Variants in CPA6 observed in about 807,000 individuals in gnomAD.
CPA6 encodes carboxypeptidase A6, also known as carboxypeptidase B.
A neutral mutation model predicts 63.3 loss-of-function variants in CPA6; 58 were observed. The observed-to-expected ratio is 0.92, with a 90% CI of 0.74 to 1.14. The LOEUF (loss-of-function observed/expected upper bound fraction) is 1.14. Among genes scored for constraint, CPA6 ranks in the 50% most tolerant of loss-of-function variants. CPA6 has a pLI of 0.00. For synonymous variants in CPA6, 185 were observed against 179.0 expected (o/e 1.03, Z -0.27); for missense variants, 565 against 526.6 (o/e 1.07, Z -0.71).
chr8:67,466,492 C>T (rs932864758), intron 8 of CPA6, among the ~76,000 whole-genome samples: 1 of 152,002 alleles, frequency 6.6e-6, no homozygotes, highest in Non-Finnish European at 1.5e-5. Flanking sequence ...TTTTTAATTT[C>T]GTCTGATAGC....
At chr8:67,464,690 G>C (rs1810886424) in intron 8 of CPA6, among the ~76,000 whole-genome samples, 1 of 152,084 alleles carries the variant, frequency 6.6e-6, no homozygotes, top group Admixed American at 6.6e-5. Flanking sequence ...TTTTGTATAT[G>C]GTGACAGGTA....
intron 8 of CPA6, among the ~76,000 whole-genome samples, chr8:67,439,894 G>T (rs1172510906): frequency 6.6e-6 from 1 of 152,164 alleles, no homozygotes; most frequent in East Asian, 1.9e-4. Flanking sequence ...CCAAAATATT[G>T]AGATTACGGG....
In CPA6 at chr8:67,442,475, C is replaced by T. The variant is rs148566227; in HGVS notation, c.839-8235G>A. On this transcript the variant is annotated intron_variant, in intron 8 of 10. Coordinates refer to ENST00000297770, the MANE Select transcript of CPA6 (RefSeq NM_020361.5). ...AAAATCTTCTTAGAGGAGATAATGT[C>T]CCCTGGAAGAGACAAATCTAGAGGG... 2.4e-4 allele frequency among the ~76,000 whole-genome samples: 37 copies of T among 152,124 alleles called. 1 individual carries two copies. The East Asian group carries it at 6.0e-3, about 25-fold the overall frequency.
intron 8 of CPA6, among the ~76,000 whole-genome samples, chr8:67,462,489 T>G (rs1023184692): frequency 1.1e-4 from 17 of 152,230 alleles, no homozygotes; most frequent in African/African-American, 4.1e-4. Flanking sequence ...GTACCTATAT[T>G]ATTTCCCACA....
chr8:67,727,522 A>G (rs1167630611), intron 1 of CPA6, among the ~76,000 whole-genome samples: 1 of 152,156 alleles, frequency 6.6e-6, no homozygotes, highest in Admixed American at 6.5e-5. Context: ...AAAGAAGTGC[A>G]ATTGTCTTGA....
chr8:67,693,572 G>T lies in CPA6; in HGVS notation c.116+52442C>A, dbSNP rs577834688. ...AATGGGGCTTTTGGGGAAGTGATTA[G>T]GTTGTAAAGGCAGAGGCCCCACGAA... On this transcript the variant is annotated intron_variant, in intron 1 of 10. Transcript: ENST00000297770. Among the ~76,000 whole-genome samples, 8 of 152,310 alleles carry T rather than the reference G, an allele frequency of 5.3e-5. No individual in the cohort carries two copies. The East Asian group carries it at 1.5e-3, about 29-fold the overall frequency.
chr8:67,733,329 T>C (rs1292169061), intron 1 of CPA6, among the ~76,000 whole-genome samples: 1 of 151,898 alleles, frequency 6.6e-6, no homozygotes, highest in Admixed American at 6.6e-5. Flanking sequence ...TGATAATTTT[T>C]AGCTTCTCTC....
At chr8:67,512,748 C>T (rs1812067194) in intron 3 of CPA6, among the ~76,000 whole-genome samples, 1 of 152,058 alleles carries the variant, frequency 6.6e-6, no homozygotes, top group South Asian at 2.1e-4. Context: ...ATTTTATTTT[C>T]CAAAAGAACC....
chr8:67,711,546 T>C (rs530940993), intron 1 of CPA6, among the ~76,000 whole-genome samples: 4 of 152,276 alleles, frequency 2.6e-5, no homozygotes, highest in Non-Finnish European at 4.4e-5. Flanking sequence ...CATGAGCTCA[T>C]TGACAGCCTG....
At chr8:67,557,881 G>T (rs903483708) in intron 2 of CPA6, among the ~76,000 whole-genome samples, 1 of 152,100 alleles carries the variant, frequency 6.6e-6, no homozygotes, top group Non-Finnish European at 1.5e-5. Context: ...CTGATTTTGT[G>T]TCATGGCTGA....
At chr8:67,441,192 A>G (rs961211131) in intron 8 of CPA6, among the ~76,000 whole-genome samples, 3 of 152,192 alleles carry the variant, frequency 2.0e-5, no homozygotes, top group Admixed American at 6.5e-5. Context: ...AAAAAATTCA[A>G]TAGTGTAATT....
intron 1 of CPA6, among the ~76,000 whole-genome samples, chr8:67,739,972 T>C (rs77302437): frequency 0.045 from 6,915 of 152,200 alleles, 200 homozygotes; most frequent in Non-Finnish European, 0.055. Flanking sequence ...AGAGTACAAA[T>C]GGGATACTTT....
chr8:67,566,585 G>A lies in CPA6; in HGVS notation c.193-48538C>T, dbSNP rs528300317. Among the ~76,000 whole-genome samples the A allele has an allele frequency of 3.9e-5, 6 of 152,260 alleles. No individual in the cohort carries two copies. In the East Asian group the frequency reaches 9.7e-4, roughly 24 times the overall value. ...TATCTAGTCCCTAGATACTTCTGCTGTCTCCTGACTTCCATTCCCTATTAG... is the reference window on the plus strand; with the variant it reads ...TATCTAGTCCCTAGATACTTCTGCTATCTCCTGACTTCCATTCCCTATTAG... On this transcript the variant is annotated intron_variant, in intron 2 of 10. Coordinates refer to ENST00000297770, the MANE Select transcript of CPA6 (RefSeq NM_020361.5).
intron 2 of CPA6, among the ~76,000 whole-genome samples, chr8:67,589,706 A>G (rs886970688): frequency 6.6e-6 from 1 of 152,154 alleles, no homozygotes; most frequent in Admixed American, 6.5e-5. Flanking sequence ...GTATTATTAT[A>G]AAGTGAAAAA....
In CPA6 at chr8:67,502,021, G is replaced by A. The variant is rs146811286; in HGVS notation, c.636+4766C>T. On this transcript the variant is annotated intron_variant, in intron 6 of 10. Coordinates refer to ENST00000297770, the MANE Select transcript of CPA6 (RefSeq NM_020361.5). Reference sequence around the variant, plus strand: ...TTTGTCTACGTTGTCAAATTTACATGGGTAGAATTATTCCCAGTATTCCCT... The same window carrying A: ...TTTGTCTACGTTGTCAAATTTACATAGGTAGAATTATTCCCAGTATTCCCT... Among the ~76,000 whole-genome samples, 385 of 152,244 alleles carry A rather than the reference G, an allele frequency of 2.5e-3. 2 individuals are homozygous for A. The highest frequency in any genetic ancestry group is 8.7e-3 in the African/African-American group (363 of 41,538).
chr8:67,526,379 G>A (rs1052652539), intron 2 of CPA6, among the ~76,000 whole-genome samples: 7 of 152,202 alleles, frequency 4.6e-5, no homozygotes, highest in East Asian at 1.9e-4. Context: ...TTCTTTCATG[G>A]TCTGTGTTTA....
intron 1 of CPA6, among the ~76,000 whole-genome samples, chr8:67,668,477 G>T (rs1816277646): frequency 6.6e-6 from 1 of 152,176 alleles, no homozygotes. Flanking sequence ...ATGATAGTTA[G>T]AATTATTTAT....
chr8:67,546,711 G>T (rs1163883425), intron 2 of CPA6, among the ~76,000 whole-genome samples: 1 of 152,188 alleles, frequency 6.6e-6, no homozygotes, highest in African/African-American at 2.4e-5. Context: ...TTAGAGATGG[G>T]TGTCTCTCTG....
chr8:67,482,055 T>A (rs980608056), intron 8 of CPA6, among the ~76,000 whole-genome samples: 12 of 152,218 alleles, frequency 7.9e-5, no homozygotes, highest in Non-Finnish European at 1.6e-4. Context: ...GGAATTCTAG[T>A]TGGGTCTGCA....
Sources: gnomAD v4.1 joint callset for allele counts (sites outside exome capture counted in the v4.1 genomes callset) on GRCh38, gnomAD v4.1.1 for gene constraint, MANE v1.5 for transcripts, NCBI Gene and HGNC (gene_info 2026-07-23, HGNC 2026-07-21) for gene names.